CFAP46: variants seen among roughly 807,000 people sequenced by gnomAD.
CFAP46 encodes cilia- and flagella-associated protein 46.
In CFAP46, 245 loss-of-function variants were observed where a neutral mutation model predicts 325.7. The ratio of observed to expected loss-of-function variants is 0.75; its 90% confidence interval spans 0.68 to 0.84. The LOEUF (loss-of-function observed/expected upper bound fraction) is 0.84. Among genes scored for constraint, CFAP46 ranks in the 40% least tolerant of loss-of-function variants. The pLI, the probability that CFAP46 is intolerant of heterozygous loss-of-function variation, is 0.00. For synonymous variants in CFAP46, 1,523 were observed against 1,495.9 expected, an observed-to-expected ratio of 1.02 and a Z score of -0.42; for missense variants, 3,346 against 3,543.0, an observed-to-expected ratio of 0.94 and a Z score of 1.41.
At chr10:132,912,500 T>TCTCTCTCCTCTCCTCTCTCTCTCTTCAC (rs1564798360) in intron 19 of CFAP46, among the ~76,000 whole-genome samples, 155 bp downstream of exon 19, 14 of 73,380 alleles carry the variant, frequency 1.9e-4, no homozygotes, top group African/African-American at 6.8e-4. Context: ...CTCTTTCACC[T>TCTCTCTCCTCTCCTCTCTCTCTCTTCAC]CTCTCTCCTC....
intron 22 of CFAP46, among the ~76,000 whole-genome samples, chr10:132,904,056 T>C (rs1283989124): frequency 2.0e-5 from 3 of 152,262 alleles, no homozygotes; most frequent in Non-Finnish European, 4.4e-5. Context: ...TAGTGTAAAA[T>C]GCTATCATAA....
rs972584422 is a variant in CFAP46, at chr10:132,817,390, T to C, written c.7118-2476A>G. 2.6e-5 allele frequency among the ~76,000 whole-genome samples: 4 copies of C among 152,222 alleles called. No individual in the cohort carries two copies. Among genetic ancestry groups the C allele is most frequent in the Non-Finnish European group, 5.9e-5 (4 of 68,044 alleles). On this transcript the variant is annotated intron_variant, in intron 50 of 57. Coordinates refer to ENST00000368586, the MANE Select transcript of CFAP46 (RefSeq NM_001200049.3). The surrounding 1 kb of genome is among the most constrained non-coding windows in gnomAD (Gnocchi z 4.4). ...CAAAGGGCATGCGGCTGGCACCTCT[T>C]ATCTCCTGTGTCTTCTCACTGGCAG... is the stretch of plus-strand genomic sequence containing the variant.
At position 132,859,589 on chromosome 10, in the gene CFAP46, G is replaced by A. The variant is rs569575859; in HGVS notation, c.5199-342C>T. 7.2e-5 allele frequency among the ~76,000 whole-genome samples: 11 copies of A among 152,208 alleles called. No homozygotes were observed. The East Asian group carries it at 2.1e-3, about 29-fold the overall frequency. ...GAAACCCATGTTGAAGCGTTGGGCT[G>A]TTCACACGCTGCAGCTGGGGGGCCC... On this transcript the variant is annotated intron_variant, in intron 37 of 57. Coordinates refer to ENST00000368586, the MANE Select transcript of CFAP46 (RefSeq NM_001200049.3).
intron 8 of CFAP46, 43 bp downstream of exon 8, chr10:132,934,706 TACA>T (rs755897711): frequency 1.6e-6 from 2 of 1,284,766 alleles, no homozygotes; most frequent in African/African-American, 1.5e-5. Flanking sequence ...CTAAATTTTG[TACA>T]ACGATTATGA....
intron 8 of CFAP46, among the ~76,000 whole-genome samples, chr10:132,932,481 C>T (rs1157968087): frequency 2.9e-5 from 4 of 136,826 alleles, no homozygotes; most frequent in Non-Finnish European, 4.8e-5. Flanking sequence ...CTAGGCCTTC[C>T]ACCTCTTCAC....
intron 50 of CFAP46, among the ~76,000 whole-genome samples, chr10:132,825,354 G>A (rs1848027982): frequency 1.3e-5 from 2 of 152,144 alleles, no homozygotes. Context: ...ACCGCGCTGT[G>A]GGCTCAGAAC....
Position 132,938,722 on chromosome 10 carries a change from G to C in CFAP46, c.403C>G (p.Leu135Val). ...AACGGCCTCACCATCTGCCAGTAGA[G>C]GACTGATGCATTGTACACCAAAAAG... ...YYFLVYNASV[L>V]YWQMVRPFLK... Residue 135 changes from leucine (L) to valine (V), a missense_variant, in exon 5 of 58, where the codon CTC (leucine) becomes GTC (valine). Leu to Val is a conservative substitution (Grantham distance 32). Coordinates refer to ENST00000368586, the MANE Select transcript of CFAP46 (RefSeq NM_001200049.3). 3.1e-6 allele frequency: 5 copies of C among 1,613,476 alleles called. No homozygotes were observed. The highest frequency in any genetic ancestry group is 4.2e-6 in the Non-Finnish European group (5 of 1,179,970).
chr10:132,819,559 G>A (rs1002364823), intron 50 of CFAP46, among the ~76,000 whole-genome samples: 2 of 152,160 alleles, frequency 1.3e-5, no homozygotes, highest in Non-Finnish European at 2.9e-5. Context: ...CCCGATAGAA[G>A]AGAATGGAGA....
intron 44 of CFAP46, among the ~76,000 whole-genome samples, chr10:132,840,688 CTTT>C (rs1848333333): frequency 1.3e-5 from 2 of 152,196 alleles, no homozygotes; most frequent in Admixed American, 1.3e-4. Flanking sequence ...GTGACTTCTT[CTTT>C]GACTAATTTG....
At chr10:132,930,573 T>A (rs1202594969) in intron 8 of CFAP46, among the ~76,000 whole-genome samples, 1 of 77,636 alleles carries the variant, frequency 1.3e-5, no homozygotes. Flanking sequence ...GCCTTCCTCC[T>A]CCACAAACAA....
intron 33 of CFAP46, among the ~76,000 whole-genome samples, chr10:132,868,697 T>C (rs1178186783): frequency 1.3e-5 from 2 of 152,252 alleles, no homozygotes; most frequent in Non-Finnish European, 2.9e-5. Context: ...CTTTCTTTTA[T>C]CTACATGTTC....
intron 22 of CFAP46, among the ~76,000 whole-genome samples, chr10:132,904,266 A>G (rs1386519502): frequency 4.6e-5 from 7 of 152,258 alleles, no homozygotes; most frequent in Non-Finnish European, 1.0e-4. Flanking sequence ...CGAGGTGACC[A>G]CATCATCTCC....
At position 132,879,723 on chromosome 10, in the gene CFAP46, A is replaced by G. The variant is rs549290273; in HGVS notation, c.3800-92T>C. The G allele has an allele frequency of 2.2e-5, 29 of 1,309,382 alleles. No homozygotes were observed. In the African/African-American group the frequency reaches 4.0e-4, roughly 18 times the overall value. 81.1% of individuals were successfully genotyped at this position (1,309,382 alleles called of 1,614,324 possible). On this transcript the variant is annotated intron_variant, in intron 28 of 57. Transcript: ENST00000368586. ...CCTTCCCTGCCCGAGGCTGTGGTGG[A>G]CTGCCCGGTGCCTCGCGGACACCCG... is the stretch of plus-strand genomic sequence containing the variant.
intron 25 of CFAP46, among the ~76,000 whole-genome samples, chr10:132,887,188 CT>C (rs1849150030): frequency 1.0e-5 from 1 of 97,800 alleles, no homozygotes; most frequent in African/African-American, 4.5e-5. Flanking sequence ...CCTCTTCTCT[CT>C]CTCCTCTCTC....
chr10:132,894,236 A>C (rs1849292182), intron 24 of CFAP46, among the ~76,000 whole-genome samples: 1 of 152,276 alleles, frequency 6.6e-6, no homozygotes, highest in African/African-American at 2.4e-5. Context: ...AAAGTCTGCA[A>C]CTGCTCCCCT....
At position 132,808,955 on chromosome 10, in the gene CFAP46, C is replaced by T. The variant is rs754844903; in HGVS notation, c.7665-51G>A. 1.3e-6 allele frequency: 2 copies of T among 1,508,048 alleles called. No homozygotes were observed. Among genetic ancestry groups the T allele is most frequent in the East Asian group, 4.6e-5 (2 of 43,272 alleles). 93.4% of individuals were successfully genotyped at this position (1,508,048 alleles called of 1,614,324 possible). On this transcript the variant is annotated intron_variant, in intron 57 of 57. Coordinates refer to ENST00000368586, the MANE Select transcript of CFAP46 (RefSeq NM_001200049.3). The surrounding 1 kb of genome is among the most constrained non-coding windows in gnomAD (Gnocchi z 6.8). ...GAACCCCGAGGCCCCGCAGGACGTC[C>T]AGCCCGGTGAGGACCAGGGCACAGG...
intron 50 of CFAP46, among the ~76,000 whole-genome samples, chr10:132,821,643 T>G (rs1847834346): frequency 7.3e-6 from 1 of 137,052 alleles, no homozygotes; most frequent in East Asian, 2.4e-4. Flanking sequence ...CTGTGTGCTG[T>G]GTGAGTGCTG....
At chr10:132,810,353 G>T in intron 57 of CFAP46, 56 bp downstream of exon 57, 5 of 1,459,832 alleles carry the variant, frequency 3.4e-6, no homozygotes, top group Non-Finnish European at 4.8e-6. Context: ...GTGCCCCATG[G>T]GCAGTGGCTG....
chr10:132,881,674 C>A (rs547156963), intron 27 of CFAP46, among the ~76,000 whole-genome samples: 2 of 70,668 alleles, frequency 2.8e-5, no homozygotes, highest in South Asian at 1.1e-3. Context: ...CGCAGCCCTG[C>A]GAGCCGGGGT....
Sources: allele counts gnomAD v4.1 joint callset (sites outside exome capture counted in the v4.1 genomes callset), GRCh38; gene constraint gnomAD v4.1.1; non-coding constraint Gnocchi (gnomAD v3.1); transcripts MANE v1.5; gene names NCBI Gene and HGNC (gene_info 2026-07-23, HGNC 2026-07-21).